The following SKIL variants were observed in gnomAD, a reference collection of about 807,000 sequenced individuals.
SKIL encodes the protein SKI like proto-oncogene.
SKIL carries 20 observed loss-of-function variants against 69.6 expected under a neutral mutation model. The ratio of observed to expected loss-of-function variants is 0.29; its 90% CI spans 0.20 to 0.42. SKIL has a LOEUF of 0.42. SKIL is among the 10% of genes least tolerant of loss of function. SKIL has a pLI of 1.00. For missense variants in SKIL, 745 were observed against 783.1 expected (o/e 0.95, Z 0.58); for synonymous variants, 310 against 279.9 (o/e 1.11, Z -1.08).
At chr3:170,376,235 A>G (rs185523819) in intron 2 of SKIL, among the ~76,000 whole-genome samples, 4 of 151,226 alleles carry the variant, frequency 2.6e-5, no homozygotes, top group Admixed American at 2.6e-4. Context: ...CTTATTAGAG[A>G]TGGGGTTTCA....
At position 170,371,233 on chromosome 3, in the gene SKIL, G is replaced by A. The variant is rs575235655; in HGVS notation, c.1098+9804G>A. Among the ~76,000 whole-genome samples, 103 of 152,210 alleles carry A rather than the reference G, an allele frequency of 6.8e-4. 9 individuals carry two copies. The highest frequency in any genetic ancestry group is 7.3e-5 in the Non-Finnish European group (5 of 68,046). On this transcript the variant is annotated intron_variant, in intron 2 of 6. Coordinates refer to ENST00000259119, the MANE Select transcript of SKIL (RefSeq NM_005414.5). ...AAGGAGTAGTAGGCCTGGTGCGGTGGCTAACGCCTGTAATCCCAGCACTTT... is the reference window on the plus strand; with the variant it reads ...AAGGAGTAGTAGGCCTGGTGCGGTGACTAACGCCTGTAATCCCAGCACTTT...
At chr3:170,382,703 C>T (rs1330130252) in intron 3 of SKIL, among the ~76,000 whole-genome samples, 3 of 144,362 alleles carry the variant, frequency 2.1e-5, no homozygotes, top group African/African-American at 5.1e-5. Context: ...GCCACCGCCC[C>T]GAGCCGCAAC....
chr3:170,367,831 T>C (rs1736618235), intron 2 of SKIL, among the ~76,000 whole-genome samples: 1 of 152,214 alleles, frequency 6.6e-6, no homozygotes, highest in South Asian at 2.1e-4. Context: ...TTTTAGTTTT[T>C]AATCTACTTA....
At chr3:170,391,982 C>CT (rs1426181471) in intron 6 of SKIL, among the ~76,000 whole-genome samples, 1 of 152,162 alleles carries the variant, frequency 6.6e-6, no homozygotes, top group Non-Finnish European at 1.5e-5. Context: ...GAACAAATAA[C>CT]TAACATGAGC....
At position 170,392,502 on chromosome 3, in the gene SKIL, T is replaced by G; in HGVS notation, c.*85T>G. ...CTTTGGTAATTGAATTCTGAAGAAT[T>G]TATCTGCATGACGATAACTAGGCAT... On this transcript the variant is annotated 3_prime_UTR_variant, in exon 7 of 7. Transcript: ENST00000259119. The G allele has an allele frequency of 1.2e-6, 1 of 800,198 alleles. No homozygotes were observed. The highest frequency in any genetic ancestry group is 1.9e-6 in the Non-Finnish European group (1 of 517,644). The allele number at this position is 800,198 out of a possible 1,614,324, so 49.6% of individuals were successfully genotyped here.
chr3:170,381,959 G>A (rs1261600703), intron 3 of SKIL, among the ~76,000 whole-genome samples: 1 of 151,934 alleles, frequency 6.6e-6, no homozygotes, highest in East Asian at 2.0e-4. Context: ...GCGGGCACCT[G>A]TAGTCCCAGC....
chr3:170,382,749 C>G (rs181378242), intron 3 of SKIL, among the ~76,000 whole-genome samples: 1 of 137,836 alleles, frequency 7.3e-6, no homozygotes, highest in African/African-American at 2.7e-5. Context: ...GATGGAGTCT[C>G]GCTCTGTTGC....
rs899240405 is a variant in SKIL, at chr3:170,394,006, G to A, written c.*1589G>A. 3 of 150,032 alleles carry A rather than the reference G, an allele frequency of 2.0e-5. No homozygotes were observed. Among genetic ancestry groups the A allele is most frequent in the Non-Finnish European group, 4.4e-5 (3 of 67,822 alleles). The allele number at this position is 150,032 out of a possible 1,614,324, so 9.3% of individuals were successfully genotyped here. Reference sequence around the variant, plus strand: ...ACTAAATTGAGTATAACCTAAATGTGTGTTTTCTATTTTCCATTTAAATTT... The same window carrying A: ...ACTAAATTGAGTATAACCTAAATGTATGTTTTCTATTTTCCATTTAAATTT... On this transcript the variant is annotated 3_prime_UTR_variant, in exon 7 of 7. Transcript: ENST00000259119.
At chr3:170,387,903 C>T (rs1208513357) in intron 4 of SKIL, among the ~76,000 whole-genome samples, 1 of 115,422 alleles carries the variant, frequency 8.7e-6, no homozygotes, top group Admixed American at 1.3e-4. Flanking sequence ...CACTGCACTC[C>T]AGCCTGGGCG....
intron 1 of SKIL, among the ~76,000 whole-genome samples, chr3:170,358,900 A>AT (rs1224727528): frequency 2.6e-5 from 4 of 152,154 alleles, no homozygotes; most frequent in Admixed American, 2.6e-4. Flanking sequence ...GAGAAAGTTA[A>AT]TTTTTGCCTG....
At chr3:170,373,921 T>G (rs1577423489) in intron 2 of SKIL, among the ~76,000 whole-genome samples, 1 of 152,168 alleles carries the variant, frequency 6.6e-6, no homozygotes, top group Admixed American at 6.5e-5. Context: ...GGGTTTTTTT[T>G]GGTACAAATT....
At chr3:170,377,790 G>A (rs1409723963) in intron 2 of SKIL, among the ~76,000 whole-genome samples, 3 of 149,850 alleles carry the variant, frequency 2.0e-5, no homozygotes, top group Admixed American at 6.7e-5. Context: ...TCCTGATCTC[G>A]TGATCCACCC....
At chr3:170,366,588 G>A (rs912128075) in intron 2 of SKIL, among the ~76,000 whole-genome samples, 1 of 152,052 alleles carries the variant, frequency 6.6e-6, no homozygotes, top group Admixed American at 6.6e-5. Context: ...GCTGAGGCAG[G>A]CTTGAACCCA....
At chr3:170,363,516 G>A (rs143326085) in intron 2 of SKIL, among the ~76,000 whole-genome samples, 3 of 150,770 alleles carry the variant, frequency 2.0e-5, no homozygotes, top group East Asian at 1.9e-4. Flanking sequence ...ACAGAGTTTC[G>A]CTCCTGTTGC....
At chr3:170,378,876 TA>T (rs758431842) in intron 2 of SKIL, among the ~76,000 whole-genome samples, 2,896 of 150,514 alleles carry the variant, frequency 0.019, 72 homozygotes, top group Middle Eastern at 0.065. Flanking sequence ...TTTATTTATT[TA>T]TTTATTTTTT....
intron 4 of SKIL, among the ~76,000 whole-genome samples, chr3:170,387,772 A>AAAAAAAAAAC (rs1332018857): frequency 7.4e-5 from 10 of 135,190 alleles, no homozygotes; most frequent in African/African-American, 2.3e-4. Context: ...AAAAAAAAAA[A>AAAAAAAAAAC]AATACAAAAA....
chr3:170,366,426 TC>T (rs1736517225), intron 2 of SKIL, among the ~76,000 whole-genome samples: 1 of 152,076 alleles, frequency 6.6e-6, no homozygotes, highest in East Asian at 1.9e-4. Flanking sequence ...ATGCCTGTAA[TC>T]CCAGCACTTT....
At chr3:170,382,161 CATT>C (rs1366436917) in intron 3 of SKIL, among the ~76,000 whole-genome samples, 2 of 151,908 alleles carry the variant, frequency 1.3e-5, no homozygotes, top group South Asian at 2.1e-4. Context: ...TTCTATTTAT[CATT>C]ATAGGGAAAT....
chr3:170,389,480 A>T lies in SKIL; in HGVS notation c.1430-743A>T, dbSNP rs535485889. Among the ~76,000 whole-genome samples, 41 of 151,482 alleles carry T rather than the reference A, an allele frequency of 2.7e-4. No homozygotes were observed. The South Asian group carries it at 7.1e-3, about 26-fold the overall frequency. On this transcript the variant is annotated intron_variant, in intron 4 of 6. Transcript: ENST00000259119. ...AGGCGCCCGCCACCAAGCCTGGCAA[A>T]TTTTTTGTATTTTTTAGTAGAGACA... is the stretch of plus-strand genomic sequence containing the variant.
Sources: allele counts gnomAD v4.1 joint callset (sites outside exome capture counted in the v4.1 genomes callset), GRCh38; gene constraint gnomAD v4.1.1; transcripts MANE v1.5; gene names NCBI Gene and HGNC (gene_info 2026-07-23, HGNC 2026-07-21).